PELI2: variants seen among roughly 807,000 people sequenced by gnomAD.
PELI2 encodes the protein E3 ubiquitin-protein ligase pellino homolog 2.
A neutral mutation model predicts 42.3 loss-of-function variants in PELI2; 23 were observed. The observed-to-expected ratio is 0.54, with a 90% confidence interval of 0.39 to 0.77. The LOEUF (loss-of-function observed/expected upper bound fraction) is 0.77, where lower values mean the gene tolerates loss of function less well. Ranked by LOEUF, PELI2 falls within the 30% of genes least tolerant of loss-of-function variation. PELI2 has a pLI of 0.00. For missense variants in PELI2, 463 were observed against 553.2 expected, an observed-to-expected ratio of 0.84 and a Z score of 1.64; for synonymous variants, 245 against 212.2, an observed-to-expected ratio of 1.15 and a Z score of -1.34.
intron 1 of PELI2, among the ~76,000 whole-genome samples, chr14:56,137,970 G>A (rs1883744506): frequency 6.6e-6 from 1 of 152,208 alleles, no homozygotes; most frequent in Admixed American, 6.5e-5. Context: ...GCTCCCAGGT[G>A]CACATTTCCC....
intron 2 of PELI2, among the ~76,000 whole-genome samples, chr14:56,265,091 C>A (rs1888847472): frequency 6.6e-6 from 1 of 152,084 alleles, no homozygotes. Flanking sequence ...CAGTACAATA[C>A]CAATCAAAAT....
intron 1 of PELI2, among the ~76,000 whole-genome samples, chr14:56,137,308 A>AG (rs1189903733): frequency 6.6e-6 from 1 of 152,140 alleles, no homozygotes; most frequent in Non-Finnish European, 1.5e-5. Context: ...TGGGTAACAG[A>AG]GAAAAAAATG....
intron 2 of PELI2, among the ~76,000 whole-genome samples, chr14:56,230,814 T>C (rs1177046460): frequency 3.3e-5 from 5 of 152,128 alleles, no homozygotes; most frequent in Admixed American, 3.3e-4. Flanking sequence ...GCAAATTGGA[T>C]AAAGAGTCAA....
At chr14:56,283,487 G>A (rs952426671) in intron 3 of PELI2, among the ~76,000 whole-genome samples, 17 of 152,160 alleles carry the variant, frequency 1.1e-4, no homozygotes, top group African/African-American at 3.9e-4. Context: ...GGCAGTTAAC[G>A]TCTTTGTATT....
chr14:56,216,165 C>CA (rs1457228495), intron 2 of PELI2, among the ~76,000 whole-genome samples: 1 of 150,852 alleles, frequency 6.6e-6, no homozygotes, highest in African/African-American at 2.4e-5. Flanking sequence ...TTTGTGTACC[C>CA]ATGAAATCAT....
intron 2 of PELI2, among the ~76,000 whole-genome samples, chr14:56,268,080 A>G (rs531491393): frequency 3.3e-5 from 5 of 152,322 alleles, no homozygotes; most frequent in East Asian, 1.9e-4. Flanking sequence ...CTGACTCACT[A>G]TAACACACAA....
At chr14:56,236,848 G>T (rs1320026348) in intron 2 of PELI2, among the ~76,000 whole-genome samples, 1 of 152,168 alleles carries the variant, frequency 6.6e-6, no homozygotes, top group African/African-American at 2.4e-5. Context: ...TCCTGGAGGT[G>T]CATGGATCTC....
intron 2 of PELI2, among the ~76,000 whole-genome samples, chr14:56,204,185 G>T (rs1886435532): frequency 6.6e-6 from 1 of 152,210 alleles, no homozygotes; most frequent in Non-Finnish European, 1.5e-5. Context: ...ATGTTATAGA[G>T]ATGATTAAAG....
intron 2 of PELI2, among the ~76,000 whole-genome samples, chr14:56,257,371 A>G (rs917274745): frequency 2.6e-5 from 4 of 152,196 alleles, no homozygotes; most frequent in Admixed American, 2.6e-4. Context: ...ATAAAATTAG[A>G]GACAACTGGA....
At chr14:56,240,785 G>GTAGC (rs1887947293) in intron 2 of PELI2, among the ~76,000 whole-genome samples, 1 of 152,210 alleles carries the variant, frequency 6.6e-6, no homozygotes, top group Admixed American at 6.5e-5. Flanking sequence ...CCAAGGCAGA[G>GTAGC]TAGCTGTGGG....
chr14:56,223,200 C>T (rs1594655108), intron 2 of PELI2, among the ~76,000 whole-genome samples: 2 of 152,296 alleles, frequency 1.3e-5, no homozygotes, highest in East Asian at 3.9e-4. Flanking sequence ...ACCACTGCCG[C>T]TGCCAAGGGA....
intron 1 of PELI2, among the ~76,000 whole-genome samples, chr14:56,168,235 G>A (rs1442487041): frequency 6.6e-6 from 1 of 151,160 alleles, no homozygotes; most frequent in Non-Finnish European, 1.5e-5. Context: ...AAACCAGCCA[G>A]GCTGTGTCCT....
At chr14:56,258,844 G>A (rs1888613875) in intron 2 of PELI2, among the ~76,000 whole-genome samples, 2 of 152,008 alleles carry the variant, frequency 1.3e-5, no homozygotes, top group Admixed American at 1.3e-4. Flanking sequence ...AATGATAAAA[G>A]TCTAGAACCA....
intron 1 of PELI2, among the ~76,000 whole-genome samples, chr14:56,121,073 A>T (rs780168436): frequency 3.9e-5 from 6 of 152,210 alleles, no homozygotes; most frequent in Non-Finnish European, 8.8e-5. Flanking sequence ...TAACATTCAC[A>T]TAGAATTAAT....
At chr14:56,280,124 C>A (rs895217954) in intron 3 of PELI2, among the ~76,000 whole-genome samples, 3 of 152,014 alleles carry the variant, frequency 2.0e-5, no homozygotes, top group Non-Finnish European at 4.4e-5. Context: ...ATTTATAGGT[C>A]TTTTCAGAAA....
At chr14:56,279,014 C>T (rs538157758) in intron 2 of PELI2, among the ~76,000 whole-genome samples, 212 of 152,064 alleles carry the variant, frequency 1.4e-3, no homozygotes, top group African/African-American at 4.4e-3. Flanking sequence ...CATATTATTC[C>T]TAGGCTATTT....
chr14:56,226,517 C>G (rs987426314), intron 2 of PELI2, among the ~76,000 whole-genome samples: 6 of 152,148 alleles, frequency 3.9e-5, no homozygotes, highest in African/African-American at 1.4e-4. Flanking sequence ...GGATTTCAGA[C>G]CAAATTTTTA....
chr14:56,173,097 G>A (rs1885238537), intron 1 of PELI2, among the ~76,000 whole-genome samples: 1 of 152,036 alleles, frequency 6.6e-6, no homozygotes, highest in Non-Finnish European at 1.5e-5. Context: ...AATTTCTCTG[G>A]AGCTCCAGAC....
intron 1 of PELI2, among the ~76,000 whole-genome samples, chr14:56,163,151 T>G (rs1355087248): frequency 6.6e-6 from 1 of 152,176 alleles, no homozygotes; most frequent in East Asian, 1.9e-4. Context: ...AATTTTTGAC[T>G]AGGCCAGTGT....
Sources: allele counts gnomAD v4.1 joint callset (sites outside exome capture counted in the v4.1 genomes callset), GRCh38; gene constraint gnomAD v4.1.1; transcripts MANE v1.5; gene names NCBI Gene and HGNC (gene_info 2026-07-23, HGNC 2026-07-21).